RUNX2: variants seen among roughly 807,000 people sequenced by gnomAD.
RUNX2 encodes the protein RUNX family transcription factor 2.
In RUNX2, 10 loss-of-function variants were observed where a neutral mutation model predicts 51.7. The observed-to-expected ratio is 0.19, with a 90% CI of 0.12 to 0.33. RUNX2 has a LOEUF of 0.33. Among genes scored for constraint, RUNX2 ranks in the 10% least tolerant of loss-of-function variants. RUNX2 has a pLI of 1.00. For synonymous variants in RUNX2, 276 were observed against 273.6 expected (o/e 1.01, Z -0.09); for missense variants, 562 against 691.3 (o/e 0.81, Z 2.10).
chr6:45,421,640 C>T (rs1798190974), intron 2 of RUNX2: 1 of 152,242 alleles, frequency 6.6e-6, no homozygotes, highest in South Asian at 2.1e-4. Flanking sequence ...TCTCTTCCTA[C>T]AAAGAGGGGG....
chr6:45,538,754 C>T (rs1423796539), intron 7 of RUNX2, among the ~76,000 whole-genome samples: 1 of 151,748 alleles, frequency 6.6e-6, no homozygotes, highest in Non-Finnish European at 1.5e-5. Flanking sequence ...AACTGATTCT[C>T]TGAAAGTGTT....
Position 45,419,981 on chromosome 6 carries a change from G to A in RUNX2, c.59-2612G>A, listed in dbSNP as rs1227711363. On this transcript the variant is annotated intron_variant, in intron 2 of 8. Coordinates refer to ENST00000647337, the MANE Select transcript of RUNX2 (RefSeq NM_001024630.4). ...GGATTTGGGGAAGAGGCAGGAACGT[G>A]GAGAGAAACGTGGGAAAGGGAAAGA... 2.0e-5 allele frequency among the ~76,000 whole-genome samples: 3 copies of A among 152,144 alleles called. No individual in the cohort carries two copies. The East Asian group carries it at 5.8e-4, about 29-fold the overall frequency.
intron 2 of RUNX2, among the ~76,000 whole-genome samples, chr6:45,370,305 C>T (rs527864000): frequency 4.6e-5 from 7 of 151,958 alleles, no homozygotes; most frequent in African/African-American, 1.4e-4. Context: ...GTGAGAGAAG[C>T]GCAGTCAAGG....
Position 45,531,169 on chromosome 6 carries a change from G to A in RUNX2, c.1022-14048G>A, listed in dbSNP as rs78178744. ...CATAATATGCTTTTCCCTACTCTGC[G>A]TTGCTGTAGGAGTCTCCATATCAGA... On this transcript the variant is annotated intron_variant, in intron 7 of 8. Coordinates refer to ENST00000647337, the MANE Select transcript of RUNX2 (RefSeq NM_001024630.4). Among the ~76,000 whole-genome samples the A allele has an allele frequency of 6.3e-3, 966 of 152,224 alleles. 11 individuals carry two copies. The highest frequency in any genetic ancestry group is 0.02 in the African/African-American group (815 of 41,524).
intron 2 of RUNX2, among the ~76,000 whole-genome samples, chr6:45,375,118 A>C (rs1796599632): frequency 6.6e-6 from 1 of 152,188 alleles, no homozygotes; most frequent in South Asian, 2.1e-4. Context: ...GAGGCAGGAG[A>C]ATCGCTTGAA....
chr6:45,438,187 T>C, intron 5 of RUNX2, 136 bp downstream of exon 5: 1 of 653,344 alleles, frequency 1.5e-6, no homozygotes, highest in Non-Finnish European at 2.8e-6. Context: ...ATATTTTTTT[T>C]AGTGAGGGAG....
At chr6:45,365,112 T>C (rs1794904423) in intron 2 of RUNX2, 1 of 785,872 alleles carries the variant, frequency 1.3e-6, no homozygotes, top group Non-Finnish European at 1.9e-6. Flanking sequence ...ATTTCCAAGT[T>C]AAGTTTTATA....
chr6:45,451,634 A>G (rs369174724), intron 5 of RUNX2, among the ~76,000 whole-genome samples: 1 of 152,218 alleles, frequency 6.6e-6, no homozygotes. Flanking sequence ...TTATTAAGCT[A>G]TGTATGGTGA....
At position 45,460,534 on chromosome 6, in the gene RUNX2, G is replaced by A. The variant is rs74661108; in HGVS notation, c.685+22483G>A. Among the ~76,000 whole-genome samples, 966 of 152,276 alleles carry A rather than the reference G, an allele frequency of 6.3e-3. 9 individuals are homozygous for A. Among genetic ancestry groups the A allele is most frequent in the African/African-American group, 0.022 (904 of 41,536 alleles). On this transcript the variant is annotated intron_variant, in intron 5 of 8. Coordinates refer to ENST00000647337, the MANE Select transcript of RUNX2 (RefSeq NM_001024630.4). Reference sequence around the variant, plus strand: ...CTTTCAGGATGTTTAAAGGGAGCAGGGAAATGGGGCAGTAACCGGAAGGGG... The same window carrying A: ...CTTTCAGGATGTTTAAAGGGAGCAGAGAAATGGGGCAGTAACCGGAAGGGG...
At chr6:45,478,546 T>C (rs1800022652) in intron 5 of RUNX2, among the ~76,000 whole-genome samples, 1 of 152,208 alleles carries the variant, frequency 6.6e-6, no homozygotes, top group African/African-American at 2.4e-5. Flanking sequence ...CCTTGTATAG[T>C]CAGGCCCAGA....
In RUNX2 at chr6:45,549,380, C is replaced by CTGCCTGGGAGTCTCCCTTGGAATTCA; in HGVS notation, c.*2077_*2102dup. 2.5e-6 allele frequency: 1 copy of CTGCCTGGGAGTCTCCCTTGGAATTCA among 398,594 alleles called. No individual in the cohort carries two copies. Among genetic ancestry groups the CTGCCTGGGAGTCTCCCTTGGAATTCA allele is most frequent in the Non-Finnish European group, 4.4e-6 (1 of 226,050 alleles). The allele number at this position is 398,594 out of a possible 1,614,324, so 24.7% of individuals were successfully genotyped here. ...TGTGGGGCAGCTGGACCTGTGCTTC[C>CTGCCTGGGAGTCTCCCTTGGAATTCA]TGCCTGGGAGTCTCCCTTGGAATTC... On this transcript the variant is annotated 3_prime_UTR_variant, in exon 9 of 9. Coordinates refer to ENST00000647337, the MANE Select transcript of RUNX2 (RefSeq NM_001024630.4).
At chr6:45,452,990 G>A (rs1427401874) in intron 5 of RUNX2, among the ~76,000 whole-genome samples, 1 of 152,224 alleles carries the variant, frequency 6.6e-6, no homozygotes, top group Non-Finnish European at 1.5e-5. Context: ...AGATGGGTCA[G>A]AAGTCACAAC....
intron 7 of RUNX2, among the ~76,000 whole-genome samples, chr6:45,544,006 T>G (rs778697353): frequency 6.6e-6 from 1 of 151,452 alleles, no homozygotes; most frequent in African/African-American, 2.4e-5. Flanking sequence ...AGAGAACATG[T>G]TGCAAAATGT....
intron 2 of RUNX2, among the ~76,000 whole-genome samples, chr6:45,379,823 G>A (rs907352719): frequency 6.6e-6 from 1 of 151,954 alleles, no homozygotes; most frequent in Non-Finnish European, 1.5e-5. Flanking sequence ...CCGAGATCAC[G>A]CCGCTGCTCT....
intron 5 of RUNX2, among the ~76,000 whole-genome samples, chr6:45,489,068 T>C (rs919580491): frequency 4.6e-5 from 7 of 152,218 alleles, no homozygotes; most frequent in African/African-American, 1.7e-4. Flanking sequence ...TGCTCTTCAA[T>C]GTACTTTGTT....
intron 5 of RUNX2, among the ~76,000 whole-genome samples, chr6:45,442,713 G>T (rs905825543): frequency 6.6e-6 from 1 of 152,138 alleles, no homozygotes; most frequent in African/African-American, 2.4e-5. Context: ...TTATGATTCT[G>T]TGGGTTGATT....
At position 45,483,351 on chromosome 6, in the gene RUNX2, C is replaced by CT. The variant is rs5875923; in HGVS notation, c.686-8579dup. On this transcript the variant is annotated intron_variant, in intron 5 of 8. Transcript: ENST00000647337. Reference sequence around the variant, plus strand: ...GTGGGAAATGTTTCCCAATAACCAGCTTTTTTTTTTTCTGTCTTCTTTGTC... The same window carrying CT: ...GTGGGAAATGTTTCCCAATAACCAGCTTTTTTTTTTTTCTGTCTTCTTTGTC... Among the ~76,000 whole-genome samples, 1,241 of 148,922 alleles carry CT rather than the reference C, an allele frequency of 8.3e-3. 7 individuals are homozygous for CT. Among genetic ancestry groups the CT allele is most frequent in the African/African-American group, 0.013 (544 of 40,626 alleles).
At chr6:45,395,918 G>A (rs1445931811) in intron 2 of RUNX2, among the ~76,000 whole-genome samples, 2 of 152,012 alleles carry the variant, frequency 1.3e-5, no homozygotes, top group African/African-American at 4.8e-5. Context: ...CACTGGCCTC[G>A]GCCTCCCAAA....
At chr6:45,545,193 G>A in intron 7 of RUNX2, 24 bp from the exon 8 acceptor site, 5 of 1,516,466 alleles carry the variant, frequency 3.3e-6, no homozygotes, top group Non-Finnish European at 4.5e-6. Flanking sequence ...AGGGAACTTA[G>A]AGCTCATCCC....
Sources: gnomAD v4.1 joint callset for allele counts (sites outside exome capture counted in the v4.1 genomes callset) on GRCh38, gnomAD v4.1.1 for gene constraint, MANE v1.5 for transcripts, NCBI Gene and HGNC (gene_info 2026-07-23, HGNC 2026-07-21) for gene names.